The following C2CD2 variants were observed in gnomAD, a reference collection of about 807,000 sequenced individuals.
C2CD2 encodes C2 domain-containing protein 2.
A neutral mutation model predicts 74.3 loss-of-function variants in C2CD2; 43 were observed. That is an observed-to-expected ratio of 0.58 (90% CI 0.45 to 0.75). The LOEUF (loss-of-function observed/expected upper bound fraction) is 0.75, where lower values mean the gene tolerates loss of function less well. C2CD2 is among the 30% of genes least tolerant of loss of function. The pLI, the probability that C2CD2 is intolerant of heterozygous loss-of-function variation, is 0.00. For synonymous variants in C2CD2, 422 were observed against 390.7 expected (o/e 1.08, Z -0.94); for missense variants, 801 against 916.3 (o/e 0.87, Z 1.63).
chr21:41,939,023 C>T lies in C2CD2; in HGVS notation c.378+3124G>A, dbSNP rs76500429. On this transcript the variant is annotated intron_variant, in intron 2 of 13. Coordinates refer to ENST00000380486, the MANE Select transcript of C2CD2 (RefSeq NM_015500.2). This position sits in a 1 kb window ranked among gnomAD's most constrained non-coding sequence, Gnocchi z 5.5. ...TCCCAAAGTGCTGGGATTATAAGCGCGAGCCACGGCACCCGGCCTAGAATG... is the reference window on the plus strand; with the variant it reads ...TCCCAAAGTGCTGGGATTATAAGCGTGAGCCACGGCACCCGGCCTAGAATG... Among the ~76,000 whole-genome samples the T allele has an allele frequency of 0.011, 1,673 of 152,178 alleles. 84 individuals carry two copies. The East Asian group carries it at 0.15, about 14-fold the overall frequency.
In C2CD2 at chr21:41,899,817, T is replaced by C. The variant is rs2064871785; in HGVS notation, c.1561-455A>G. ...ATTCACCGGCACATCCTCTCAAAAA[T>C]TATATTTTGTGTAAAAATATTTAAG... On this transcript the variant is annotated intron_variant, in intron 12 of 13. Coordinates refer to ENST00000380486, the MANE Select transcript of C2CD2 (RefSeq NM_015500.2). This position sits in a 1 kb window ranked among gnomAD's most constrained non-coding sequence, Gnocchi z 4.4. Among the ~76,000 whole-genome samples the C allele has an allele frequency of 6.6e-6, 1 of 152,152 alleles. No homozygotes were observed. The highest frequency in any genetic ancestry group is 6.5e-5 in the Admixed American group (1 of 15,272).
intron 2 of C2CD2, among the ~76,000 whole-genome samples, chr21:41,937,846 T>C (rs1030217850): frequency 2.0e-5 from 3 of 152,106 alleles, no homozygotes; most frequent in Non-Finnish European, 2.9e-5. Context: ...GGGAAATAAA[T>C]CAAGCACAGA....
At chr21:41,942,941 T>C (rs1418710931) in intron 1 of C2CD2, 3 of 984,492 alleles carry the variant, frequency 3.0e-6, no homozygotes, top group Non-Finnish European at 3.6e-6. Flanking sequence ...TGGCTCTGCA[T>C]GTTCCCCCAG....
intron 7 of C2CD2, 150 bp downstream of exon 7, chr21:41,912,182 C>A: frequency 1.8e-6 from 1 of 556,514 alleles, no homozygotes; most frequent in Non-Finnish European, 3.2e-6. Flanking sequence ...TGACCTAAAG[C>A]TACCTTTAAG....
rs1393812181 is a variant in C2CD2 at position 41,945,662 on chromosome 21, G to C, written c.280-3417C>G. ...GGGACCTGTAATCCTCACCTGCAGA[G>C]GGAGGGAGGTAACTGGATCATGGGG... On this transcript the variant is annotated intron_variant, in intron 1 of 13. Transcript: ENST00000380486. This position sits in a 1 kb window ranked among gnomAD's most constrained non-coding sequence, Gnocchi z 4.2. Among the ~76,000 whole-genome samples, 4 of 152,210 alleles carry C rather than the reference G, an allele frequency of 2.6e-5. No individual in the cohort carries two copies. Among genetic ancestry groups the C allele is most frequent in the Admixed American group, 6.5e-5 (1 of 15,286 alleles).
intron 13 of C2CD2, 107 bp downstream of exon 13, chr21:41,898,946 T>G: frequency 1.2e-6 from 1 of 843,030 alleles, no homozygotes; most frequent in African/African-American, 1.7e-5. Context: ...GGGAGGGAGT[T>G]TGTAGGGGAC....
rs758155956 is a variant in C2CD2, at chr21:41,899,129, C to G, written c.1794G>C (p.Leu598=). ...PQAAAWSSQV[L]LDPDGDELSE... is the part of the protein sequence containing the mutation. Reference sequence around the variant, plus strand: ...ACAGCTCATCACCGTCGGGGTCCAGCAGGACCTGGCTGCTCCATGCCGCGG... The same window carrying G: ...ACAGCTCATCACCGTCGGGGTCCAGGAGGACCTGGCTGCTCCATGCCGCGG... Residue 598 remains leucine, a synonymous_variant, in exon 13 of 14, where the codon CTG becomes CTC. Coordinates refer to ENST00000380486, the MANE Select transcript of C2CD2 (RefSeq NM_015500.2). The surrounding 1 kb of genome is among the most constrained non-coding windows in gnomAD (Gnocchi z 4.4). The G allele has an allele frequency of 3.1e-6, 5 of 1,613,848 alleles. No homozygotes were observed. The highest frequency in any genetic ancestry group is 3.4e-6 in the Non-Finnish European group (4 of 1,180,008).
At chr21:41,942,886 C>A in intron 1 of C2CD2, 1 of 818,982 alleles carries the variant, frequency 1.2e-6, no homozygotes, top group Non-Finnish European at 1.5e-6. Context: ...ACCCCTACTT[C>A]ACAGCCCTCT....
At position 41,922,055 on chromosome 21, in the gene C2CD2, T is replaced by G; in HGVS notation, c.409A>C (p.Ile137Leu). The G allele has an allele frequency of 6.2e-7, 1 of 1,613,680 alleles. No homozygotes were observed. ...GGCGTCTCGCTGACCAAGAACTGAATAGCCTGGCCCACCACGTGACAGACC... is the reference window on the plus strand; with the variant it reads ...GGCGTCTCGCTGACCAAGAACTGAAGAGCCTGGCCCACCACGTGACAGACC... Reference protein sequence around the residue: ...VVVCHVVGQAIQFLVSETPAL... With the variant: ...VVVCHVVGQALQFLVSETPAL... Residue 137 changes from isoleucine (I) to leucine (L), a missense_variant, in exon 3 of 14, where the codon ATT becomes CTT. By Grantham distance (5) the Ile-to-Leu change is conservative. Coordinates refer to ENST00000380486, the MANE Select transcript of C2CD2 (RefSeq NM_015500.2).
At chr21:41,952,490 C>G (rs1321342408) in intron 1 of C2CD2, among the ~76,000 whole-genome samples, 5 of 152,348 alleles carry the variant, frequency 3.3e-5, no homozygotes, top group Non-Finnish European at 7.3e-5. Flanking sequence ...GAGCAGCGGC[C>G]AAGACTAGGG....
At chr21:41,908,260 T>TGTGTGTGTGTGTGA in intron 8 of C2CD2, 1 of 181,478 alleles carries the variant, frequency 5.5e-6, no homozygotes, top group Non-Finnish European at 1.1e-5. Flanking sequence ...TGTGTGTGTG[T>TGTGTGTGTGTGTGA]GTAAAAGAAA....
chr21:41,898,309 G>A lies in C2CD2; in HGVS notation c.1870+744C>T, dbSNP rs61735799. Among the ~76,000 whole-genome samples, 358 of 152,226 alleles carry A rather than the reference G, an allele frequency of 2.4e-3. 1 individual carries two copies. The highest frequency in any genetic ancestry group is 7.6e-3 in the African/African-American group (317 of 41,512). On this transcript the variant is annotated intron_variant, in intron 13 of 13. Coordinates refer to ENST00000380486, the MANE Select transcript of C2CD2 (RefSeq NM_015500.2). ...GTGGAGTCAGGTGGGCGCAGGCAGCGGCCATGCTCCTCATCTTATGGAGGA... is the reference window on the plus strand; with the variant it reads ...GTGGAGTCAGGTGGGCGCAGGCAGCAGCCATGCTCCTCATCTTATGGAGGA...
chr21:41,893,984 C>CCGTG (rs2064790620), intron 13 of C2CD2, among the ~76,000 whole-genome samples: 3 of 152,224 alleles, frequency 2.0e-5, no homozygotes, highest in African/African-American at 7.2e-5. Flanking sequence ...CAGGTGTGAG[C>CCGTG]CACGGCTCCT....
intron 13 of C2CD2, chr21:41,894,553 G>A (rs1356681687): frequency 2.3e-6 from 1 of 436,032 alleles, no homozygotes; most frequent in South Asian, 1.6e-5. Flanking sequence ...TGGCCCCTGG[G>A]GAGGAGACTC....
At chr21:41,921,904 A>G (rs2065157735) in intron 3 of C2CD2, 68 bp downstream of exon 3, 1 of 947,204 alleles carries the variant, frequency 1.1e-6, no homozygotes, top group Admixed American at 1.8e-5. Flanking sequence ...GACTCACACC[A>G]TGCTCACTCT....
In C2CD2 at chr21:41,921,946, A is replaced by G. The variant is rs112046126; in HGVS notation, c.492+26T>C. 417 of 1,450,768 alleles carry G rather than the reference A, an allele frequency of 2.9e-4. 3 individuals carry two copies. In the African/African-American group the frequency reaches 5.3e-3, roughly 18 times the overall value. The allele number at this position is 1,450,768 out of a possible 1,614,324, so 89.9% of individuals were successfully genotyped here. A position where few individuals can be genotyped will look rare whatever the true frequency, so the allele number is the denominator to read the frequency against. On this transcript the variant is annotated intron_variant, in intron 3 of 13. Transcript: ENST00000380486. ...TTCTGAGAACTGTGACGGGTCTCATAACTTGCAAAGTCTACACATCTTTAC... is the reference window on the plus strand; with the variant it reads ...TTCTGAGAACTGTGACGGGTCTCATGACTTGCAAAGTCTACACATCTTTAC...
At chr21:41,891,809 C>T (rs1360076370) in intron 13 of C2CD2, among the ~76,000 whole-genome samples, 1 of 152,034 alleles carries the variant, frequency 6.6e-6, no homozygotes, top group African/African-American at 2.4e-5. Context: ...GCCAACCCAC[C>T]CCCTGGGGTC....
intron 5 of C2CD2, among the ~76,000 whole-genome samples, chr21:41,915,500 G>C (rs761252254): frequency 6.6e-6 from 1 of 151,222 alleles, no homozygotes; most frequent in South Asian, 2.1e-4. Context: ...GCAGTGGTGC[G>C]ATCTCAGTTC....
In C2CD2 at chr21:41,923,821, C is replaced by G. The variant is rs373219758; in HGVS notation, c.379-1736G>C. 1.1e-4 allele frequency among the ~76,000 whole-genome samples: 17 copies of G among 152,304 alleles called. No homozygotes were observed. The South Asian group carries it at 3.5e-3, about 32-fold the overall frequency. On this transcript the variant is annotated intron_variant, in intron 2 of 13. Coordinates refer to ENST00000380486, the MANE Select transcript of C2CD2 (RefSeq NM_015500.2). The surrounding 1 kb of genome is among the most constrained non-coding windows in gnomAD (Gnocchi z 5.8). ...GAATGAGAGGTCAGACCCCTCCCCGCTCCCCTCCCGGGGGCAGAGGGCCAA... is the reference window on the plus strand; with the variant it reads ...GAATGAGAGGTCAGACCCCTCCCCGGTCCCCTCCCGGGGGCAGAGGGCCAA...
Sources: allele counts gnomAD v4.1 joint callset (sites outside exome capture counted in the v4.1 genomes callset), GRCh38; gene constraint gnomAD v4.1.1; non-coding constraint Gnocchi (gnomAD v3.1); transcripts MANE v1.5; gene names NCBI Gene and HGNC (gene_info 2026-07-23, HGNC 2026-07-21).